The following PXDNL variants were observed in gnomAD, a reference collection of about 807,000 sequenced individuals.
PXDNL encodes the protein probable oxidoreductase PXDNL.
In PXDNL, 145 loss-of-function variants were observed where a neutral mutation model predicts 150.8. The ratio of observed to expected loss-of-function variants is 0.96; its 90% CI spans 0.84 to 1.10. PXDNL has a LOEUF of 1.10. PXDNL is among the 50% of genes least tolerant of loss of function. The pLI, the probability that PXDNL is intolerant of heterozygous loss-of-function variation, is 0.00. For missense variants in PXDNL, 2,087 were observed against 1,873.9 expected (o/e 1.11, Z -2.10); for synonymous variants, 757 against 725.7 (o/e 1.04, Z -0.69).
At chr8:51,387,003 T>G (rs74952163) in intron 17 of PXDNL, among the ~76,000 whole-genome samples, 4,073 of 152,312 alleles carry the variant, frequency 0.027, 215 homozygotes, top group African/African-American at 0.091. Flanking sequence ...TGAAGTCCAT[T>G]ACGATGTGAG....
At chr8:51,532,557 G>A (rs1026110434) in intron 4 of PXDNL, among the ~76,000 whole-genome samples, 17 of 144,506 alleles carry the variant, frequency 1.2e-4, no homozygotes, top group African/African-American at 4.7e-4. Context: ...GCATCTCTGA[G>A]TTTGTTTGTT....
intron 1 of PXDNL, among the ~76,000 whole-genome samples, chr8:51,774,554 C>T (rs2129244431): frequency 6.6e-6 from 1 of 152,324 alleles, no homozygotes; most frequent in East Asian, 1.9e-4. Flanking sequence ...CACAGTGGCT[C>T]ATGCCTGTAA....
intron 2 of PXDNL, among the ~76,000 whole-genome samples, chr8:51,604,502 G>A (rs2130692958): frequency 6.6e-6 from 1 of 152,274 alleles, no homozygotes; most frequent in South Asian, 2.1e-4. Context: ...ACTGTTGTGG[G>A]GTGGAGGGAG....
At chr8:51,458,717 A>G (rs1488464039) in intron 8 of PXDNL, among the ~76,000 whole-genome samples, 1 of 152,370 alleles carries the variant, frequency 6.6e-6, no homozygotes, top group East Asian at 1.9e-4. Flanking sequence ...ATGTACCCAC[A>G]CTAAAGAATA....
In PXDNL at chr8:51,731,089, G is replaced by A. The variant is rs114536574; in HGVS notation, c.165-76329C>T. 3.6e-3 allele frequency among the ~76,000 whole-genome samples: 549 copies of A among 152,186 alleles called. 5 individuals are homozygous for A. The highest frequency in any genetic ancestry group is 0.013 in the African/African-American group (521 of 41,518). On this transcript the variant is annotated intron_variant, in intron 1 of 22. Coordinates refer to ENST00000356297, the MANE Select transcript of PXDNL (RefSeq NM_144651.5). ...CATGCCTTCCCAACAGTCTCCCAAA[G>A]TCTTTATTCATGTCAGCATTAATAC...
intron 3 of PXDNL, among the ~76,000 whole-genome samples, chr8:51,581,126 T>G (rs1161884141): frequency 6.6e-6 from 1 of 152,060 alleles, no homozygotes; most frequent in East Asian, 1.9e-4. Context: ...GAAAAACGTC[T>G]GGAGGAAAAG....
intron 17 of PXDNL, among the ~76,000 whole-genome samples, chr8:51,404,107 T>C (rs888158395): frequency 2.0e-5 from 3 of 152,208 alleles, no homozygotes; most frequent in Non-Finnish European, 2.9e-5. Context: ...CTCGCTGGCC[T>C]CAGGAATGAA....
intron 1 of PXDNL, among the ~76,000 whole-genome samples, chr8:51,674,214 C>A (rs1199319695): frequency 2.0e-5 from 3 of 152,170 alleles, no homozygotes; most frequent in East Asian, 3.9e-4. Context: ...TATTGCATAT[C>A]CTAAAAAGAC....
Position 51,573,621 on chromosome 8 carries a change from T to C in PXDNL, c.309-16710A>G, listed in dbSNP as rs535399211. ...AATCTCACCACCATGTGGGAATCAA[T>C]GGAAGCCACATGGGAAACCTAGACT... is the stretch of plus-strand genomic sequence containing the variant. On this transcript the variant is annotated intron_variant, in intron 3 of 22. Coordinates refer to ENST00000356297, the MANE Select transcript of PXDNL (RefSeq NM_144651.5). 2.0e-5 allele frequency among the ~76,000 whole-genome samples: 3 copies of C among 152,086 alleles called. No individual in the cohort carries two copies. The South Asian group carries it at 6.2e-4, about 32-fold the overall frequency.
chr8:51,497,166 T>C (rs1205881151), intron 5 of PXDNL, among the ~76,000 whole-genome samples: 2 of 151,796 alleles, frequency 1.3e-5, no homozygotes, highest in Non-Finnish European at 2.9e-5. Flanking sequence ...ACAAACCTGA[T>C]GGAAACAAGA....
intron 5 of PXDNL, among the ~76,000 whole-genome samples, chr8:51,485,020 A>G (rs1810697478): frequency 6.6e-6 from 1 of 152,212 alleles, no homozygotes. Flanking sequence ...AAACTTAACT[A>G]TTAGCTACAT....
At chr8:51,358,408 G>A (rs2915479) in intron 19 of PXDNL, among the ~76,000 whole-genome samples, 111,272 of 151,870 alleles carry the variant, frequency 0.73, 41,299 homozygotes, top group East Asian at 0.94. Context: ...GTCACCCCTT[G>A]GTTTCAGATC....
intron 19 of PXDNL, among the ~76,000 whole-genome samples, chr8:51,368,200 G>A (rs1401828515): frequency 6.6e-6 from 1 of 152,022 alleles, no homozygotes; most frequent in Non-Finnish European, 1.5e-5. Context: ...TAAATGACAC[G>A]AAAACTACAA....
At chr8:51,441,438 GA>G (rs1270416545) in intron 12 of PXDNL, among the ~76,000 whole-genome samples, 1 of 152,182 alleles carries the variant, frequency 6.6e-6, no homozygotes, top group Non-Finnish European at 1.5e-5. Flanking sequence ...TCCCTAGTTA[GA>G]TGTCTGCTTG....
chr8:51,577,013 T>C (rs1157083414), intron 3 of PXDNL, among the ~76,000 whole-genome samples: 2 of 151,958 alleles, frequency 1.3e-5, no homozygotes, highest in East Asian at 1.9e-4. Flanking sequence ...TTAAACATTC[T>C]TGAAAAAGAA....
Position 51,791,944 on chromosome 8 carries a change from C to A in PXDNL, c.164+17237G>T, listed in dbSNP as rs1036461519. Reference sequence around the variant, plus strand: ...ATGTCCCACTTAGAAAAAATAAATTCTTTTCTGTTTACAGAATCTGTTACC... The same window carrying A: ...ATGTCCCACTTAGAAAAAATAAATTATTTTCTGTTTACAGAATCTGTTACC... On this transcript the variant is annotated intron_variant, in intron 1 of 22. Transcript: ENST00000356297. Among the ~76,000 whole-genome samples the A allele has an allele frequency of 2.6e-5, 4 of 152,018 alleles. No individual in the cohort carries two copies. The East Asian group carries it at 5.8e-4, about 22-fold the overall frequency.
intron 2 of PXDNL, among the ~76,000 whole-genome samples, chr8:51,621,521 C>T (rs1460327433): frequency 6.6e-6 from 1 of 151,044 alleles, no homozygotes; most frequent in African/African-American, 2.4e-5. Flanking sequence ...AGCAGAAATT[C>T]AGACTTTGGA....
chr8:51,652,766 T>A (rs1278053497), intron 2 of PXDNL, among the ~76,000 whole-genome samples: 1 of 152,224 alleles, frequency 6.6e-6, no homozygotes, highest in Non-Finnish European at 1.5e-5. Flanking sequence ...TAGTATAAAA[T>A]GAGGCTTGCA....
chr8:51,621,792 T>C (rs1814261483), intron 2 of PXDNL, among the ~76,000 whole-genome samples: 1 of 151,596 alleles, frequency 6.6e-6, no homozygotes, highest in Non-Finnish European at 1.5e-5. Flanking sequence ...ATACAAAAAT[T>C]AGCTAGGCCT....
Sources: gnomAD v4.1 joint callset for allele counts (sites outside exome capture counted in the v4.1 genomes callset) on GRCh38, gnomAD v4.1.1 for gene constraint, MANE v1.5 for transcripts, NCBI Gene and HGNC (gene_info 2026-07-23, HGNC 2026-07-21) for gene names.